Variants in SMYD3 observed in about 807,000 individuals in gnomAD.
SMYD3 encodes SET and MYND domain containing 3, also known as histone-lysine N-methyltransferase SMYD3.
SMYD3 carries 36 observed loss-of-function variants against 57.7 expected under a neutral mutation model. That is an observed-to-expected ratio of 0.62 (90% confidence interval 0.48 to 0.82). SMYD3 has a LOEUF of 0.82. Ranked by LOEUF, SMYD3 falls within the 40% of genes least tolerant of loss-of-function variation. The pLI, the probability that SMYD3 is intolerant of heterozygous loss-of-function variation, is 0.00. For missense variants in SMYD3, 515 were observed against 538.8 expected (o/e 0.96, Z 0.44); for synonymous variants, 211 against 195.0 (o/e 1.08, Z -0.68).
intron 5 of SMYD3, among the ~76,000 whole-genome samples, chr1:246,173,893 A>G (rs1220096191): frequency 6.6e-6 from 1 of 152,070 alleles, no homozygotes; most frequent in Non-Finnish European, 1.5e-5. Flanking sequence ...ATAAACCTCA[A>G]ACTCCTGGGC....
At chr1:245,883,798 C>T (rs1226525431) in intron 8 of SMYD3, among the ~76,000 whole-genome samples, 1 of 152,116 alleles carries the variant, frequency 6.6e-6, no homozygotes, top group Non-Finnish European at 1.5e-5. Flanking sequence ...GCTTCATATA[C>T]TAGGAACTTC....
chr1:245,963,946 T>G (rs1487303610), intron 5 of SMYD3, among the ~76,000 whole-genome samples: 1 of 152,172 alleles, frequency 6.6e-6, no homozygotes, highest in Non-Finnish European at 1.5e-5. Flanking sequence ...CCATTCTGAG[T>G]TAGTCCACTT....
chr1:246,139,332 C>T (rs2061714862), intron 5 of SMYD3, among the ~76,000 whole-genome samples: 2 of 152,174 alleles, frequency 1.3e-5, no homozygotes, highest in South Asian at 2.1e-4. Context: ...CAAGACCACA[C>T]AGAAAAACAG....
chr1:246,055,754 A>G (rs1413822141), intron 5 of SMYD3, among the ~76,000 whole-genome samples: 1 of 152,262 alleles, frequency 6.6e-6, no homozygotes, highest in East Asian at 1.9e-4. Context: ...AGTTAGACAC[A>G]GAAGGACAAA....
chr1:245,750,654 A>G (rs1045500151), intron 11 of SMYD3, among the ~76,000 whole-genome samples: 2 of 142,512 alleles, frequency 1.4e-5, no homozygotes, highest in Non-Finnish European at 3.0e-5. Flanking sequence ...AAACAACCAG[A>G]GTATCCTTGA....
chr1:246,226,239 C>A (rs971100425), intron 5 of SMYD3, among the ~76,000 whole-genome samples: 1 of 152,216 alleles, frequency 6.6e-6, no homozygotes, highest in African/African-American at 2.4e-5. Flanking sequence ...TTGCTTCATA[C>A]TGATACCGAA....
intron 5 of SMYD3, among the ~76,000 whole-genome samples, chr1:246,069,847 C>T (rs973449465): frequency 2.6e-5 from 4 of 152,144 alleles, no homozygotes; most frequent in African/African-American, 7.2e-5. Context: ...GTCATTCTTC[C>T]CAGGAATGCT....
intron 5 of SMYD3, among the ~76,000 whole-genome samples, chr1:246,283,713 C>T: frequency 6.6e-6 from 1 of 152,140 alleles, no homozygotes; most frequent in East Asian, 1.9e-4. Context: ...ATCTAAAGCC[C>T]AAGATCATTT....
At chr1:246,443,534 A>C (rs1029583990) in intron 1 of SMYD3, among the ~76,000 whole-genome samples, 1 of 152,244 alleles carries the variant, frequency 6.6e-6, no homozygotes, top group Non-Finnish European at 1.5e-5. Context: ...AACACTTGAA[A>C]GAAATAAGTC....
At chr1:245,906,414 A>G (rs2054566999) in intron 8 of SMYD3, among the ~76,000 whole-genome samples, 1 of 152,228 alleles carries the variant, frequency 6.6e-6, no homozygotes, top group South Asian at 2.1e-4. Context: ...TATCACTGTC[A>G]GAGAAATGCA....
chr1:246,396,696 T>C (rs945523346), intron 1 of SMYD3, among the ~76,000 whole-genome samples: 1 of 152,196 alleles, frequency 6.6e-6, no homozygotes, highest in Admixed American at 6.5e-5. Flanking sequence ...ACATTCCCCC[T>C]TGCTGTTCTT....
chr1:246,183,545 A>G (rs751738988), intron 5 of SMYD3, among the ~76,000 whole-genome samples: 1 of 152,142 alleles, frequency 6.6e-6, no homozygotes, highest in Non-Finnish European at 1.5e-5. Flanking sequence ...ATAAAGAAAG[A>G]TAAATAAAAA....
intron 11 of SMYD3, among the ~76,000 whole-genome samples, chr1:245,751,496 C>G (rs1179749844): frequency 6.7e-6 from 1 of 149,848 alleles, no homozygotes; most frequent in Non-Finnish European, 1.5e-5. Flanking sequence ...AACAGGCAGA[C>G]AGAGGGGGTC....
chr1:246,446,233 T>C (rs2067550104), intron 1 of SMYD3, among the ~76,000 whole-genome samples: 1 of 152,190 alleles, frequency 6.6e-6, no homozygotes, highest in Admixed American at 6.5e-5. Context: ...CTGGCCAAAC[T>C]GTGAAGCAGA....
At chr1:246,173,790 TG>T (rs1157591149) in intron 5 of SMYD3, among the ~76,000 whole-genome samples, 1 of 152,068 alleles carries the variant, frequency 6.6e-6, no homozygotes, top group African/African-American at 2.4e-5. Context: ...TACCTGAGGC[TG>T]TTTACAGTTA....
At position 245,957,519 on chromosome 1, in the gene SMYD3, T is replaced by A. The variant is rs142467269; in HGVS notation, c.532-27582A>T. On this transcript the variant is annotated intron_variant, in intron 5 of 11. Transcript: ENST00000490107. ...TGCACTTCTCTAACTTGAGCTATCA[T>A]TTCACTAAAATAACTCAACTCTTTC... is the stretch of plus-strand genomic sequence containing the variant. Among the ~76,000 whole-genome samples, 389 of 152,350 alleles carry A rather than the reference T, an allele frequency of 2.6e-3. 1 individual carries two copies. The highest frequency in any genetic ancestry group is 4.9e-3 in the Non-Finnish European group (333 of 68,042).
chr1:245,853,047 G>A (rs1314239313), intron 10 of SMYD3, among the ~76,000 whole-genome samples: 1 of 152,188 alleles, frequency 6.6e-6, no homozygotes, highest in Non-Finnish European at 1.5e-5. Context: ...CAAGATTACT[G>A]TTCACTTTAA....
Position 246,506,995 on chromosome 1 carries a change from C to G in SMYD3, c.164+59G>C, listed in dbSNP as rs907796506. 189 of 825,450 alleles carry G rather than the reference C, an allele frequency of 2.3e-4. 11 individuals carry two copies. In the African/African-American group the frequency reaches 3.2e-3, roughly 14 times the overall value. 51.1% of individuals were successfully genotyped at this position (825,450 alleles called of 1,614,324 possible). A position where few individuals can be genotyped will look rare whatever the true frequency, so the allele number is the denominator to read the frequency against. On this transcript the variant is annotated intron_variant, in intron 1 of 11. Transcript: ENST00000490107. ...CGGCTGCCGGCCGCCCGACGCCCCC[C>G]CCTCCCCAGCACCCCACACAGCTCG... is the stretch of plus-strand genomic sequence containing the variant.
chr1:246,225,999 T>C (rs2063325040), intron 5 of SMYD3, among the ~76,000 whole-genome samples: 1 of 152,222 alleles, frequency 6.6e-6, no homozygotes, highest in African/African-American at 2.4e-5. Flanking sequence ...GGCCAATGTA[T>C]GATCTAGTCA....
Sources: gnomAD v4.1 joint callset for allele counts (sites outside exome capture counted in the v4.1 genomes callset) on GRCh38, gnomAD v4.1.1 for gene constraint, MANE v1.5 for transcripts, NCBI Gene and HGNC (gene_info 2026-07-23, HGNC 2026-07-21) for gene names.